The following OTUD7A variants were observed in gnomAD, a reference collection of about 807,000 sequenced individuals.
OTUD7A encodes the protein OTU deubiquitinase 7A.
A neutral mutation model predicts 65.7 loss-of-function variants in OTUD7A; 12 were observed. The ratio of observed to expected loss-of-function variants is 0.18; its 90% CI spans 0.12 to 0.30. The LOEUF is 0.30. OTUD7A is among the 10% of genes least tolerant of loss of function. OTUD7A has a pLI of 1.00. For missense variants in OTUD7A, 1,148 were observed against 1,304.8 expected (o/e 0.88, Z 1.85); for synonymous variants, 641 against 586.3 (o/e 1.09, Z -1.35).
chr15:31,548,801 G>C (rs909253612), intron 5 of OTUD7A, among the ~76,000 whole-genome samples: 1 of 152,078 alleles, frequency 6.6e-6, no homozygotes, highest in Non-Finnish European at 1.5e-5. Context: ...GATATCTTTG[G>C]AGGGCTCAGA....
chr15:31,624,861 G>A (rs1173136838), intron 3 of OTUD7A, among the ~76,000 whole-genome samples: 1 of 152,178 alleles, frequency 6.6e-6, no homozygotes, highest in Non-Finnish European at 1.5e-5. Flanking sequence ...CCTCCCTGAG[G>A]TGGCTGCTTC....
chr15:31,755,408 T>C (rs1278520906), intron 1 of OTUD7A, among the ~76,000 whole-genome samples: 2 of 152,082 alleles, frequency 1.3e-5, no homozygotes, highest in African/African-American at 4.8e-5. Context: ...AAACCTAAAC[T>C]GTGCAGTCCT....
At chr15:31,863,713 G>A (rs1201801764) in intron 1 of OTUD7A, among the ~76,000 whole-genome samples, 1 of 152,200 alleles carries the variant, frequency 6.6e-6, no homozygotes, top group South Asian at 2.1e-4. Flanking sequence ...CAGAGGGGCT[G>A]CCATGAAGGT....
chr15:31,621,436 T>C (rs954585231), intron 3 of OTUD7A, among the ~76,000 whole-genome samples: 1 of 152,182 alleles, frequency 6.6e-6, no homozygotes, highest in African/African-American at 2.4e-5. Context: ...ACTTGCTTTA[T>C]GAATCTGGGT....
At chr15:31,654,092 C>G (rs1595687576) in intron 3 of OTUD7A, among the ~76,000 whole-genome samples, 1 of 90,542 alleles carries the variant, frequency 1.1e-5, no homozygotes, top group East Asian at 2.8e-4. Context: ...GACCTTATTC[C>G]AAGCCTGCTT....
At chr15:31,515,818 TATCC>T (rs530450665) in intron 8 of OTUD7A, among the ~76,000 whole-genome samples, 9 of 144,782 alleles carry the variant, frequency 6.2e-5, no homozygotes, top group African/African-American at 1.8e-4. Context: ...CATGTCCATC[TATCC>T]ATCCATCCAT....
At chr15:31,869,832 T>A (rs781153984) in intron 1 of OTUD7A, among the ~76,000 whole-genome samples, 1 of 152,212 alleles carries the variant, frequency 6.6e-6, no homozygotes, top group Non-Finnish European at 1.5e-5. Flanking sequence ...ATGACATCAC[T>A]GACATCTCCC....
chr15:31,644,867 G>A (rs1325161738), intron 3 of OTUD7A, among the ~76,000 whole-genome samples: 1 of 152,180 alleles, frequency 6.6e-6, no homozygotes, highest in East Asian at 1.9e-4. Context: ...GTCCAGCCTG[G>A]CTGGTGAGCA....
chr15:31,610,617 A>ATATTTTTTTTTTTTTTT, intron 3 of OTUD7A, among the ~76,000 whole-genome samples: 3 of 30,564 alleles, frequency 9.8e-5, no homozygotes, highest in Non-Finnish European at 1.5e-4. Context: ...ATATATATAT[A>ATATTTTTTTTTTTTTTT]TTTTTTTTTT....
At position 31,551,670 on chromosome 15, in the gene OTUD7A, G is replaced by A. The variant is rs542182940; in HGVS notation, c.550+7299C>T. Reference sequence around the variant, plus strand: ...ACATTTTGATGAAAGAAAACAAAACGTGACAATTCTCTATCAGAAAGATGA... The same window carrying A: ...ACATTTTGATGAAAGAAAACAAAACATGACAATTCTCTATCAGAAAGATGA... On this transcript the variant is annotated intron_variant, in intron 5 of 12. Transcript: ENST00000307050. Among the ~76,000 whole-genome samples, 10 of 152,274 alleles carry A rather than the reference G, an allele frequency of 6.6e-5. No homozygotes were observed. In the South Asian group the frequency reaches 1.0e-3, roughly 16 times the overall value.
At chr15:31,746,850 A>C (rs1290346456) in intron 1 of OTUD7A, among the ~76,000 whole-genome samples, 1 of 152,202 alleles carries the variant, frequency 6.6e-6, no homozygotes, top group East Asian at 1.9e-4. Flanking sequence ...TTTTTAGAAA[A>C]CTTGTTGCTT....
Position 31,483,788 on chromosome 15 carries a change from G to C in OTUD7A, c.2308C>G (p.Pro770Ala). ...SASGPVPGRS[P>A]PAPARQSVIH... Reference sequence around the variant, plus strand: ...ACGCTCTGGCGCGCTGGCGCCGGGGGGCTGCGGCCAGGCACTGGTCCGCTG... The same window carrying C: ...ACGCTCTGGCGCGCTGGCGCCGGGGCGCTGCGGCCAGGCACTGGTCCGCTG... The change falls in exon 13 of 13, where the codon CCC becomes GCC. Residue 770 changes from proline to alanine, a missense_variant. Pro to Ala is a conservative substitution (Grantham distance 27, BLOSUM62 -1). Coordinates refer to ENST00000307050, the MANE Select transcript of OTUD7A (RefSeq NM_001382637.1). The C allele has an allele frequency of 9.6e-7, 1 of 1,043,874 alleles. No homozygotes were observed. Among genetic ancestry groups the C allele is most frequent in the Non-Finnish European group, 1.1e-6 (1 of 869,894 alleles). 64.7% of individuals were successfully genotyped at this position (1,043,874 alleles called of 1,614,324 possible).
intron 1 of OTUD7A, among the ~76,000 whole-genome samples, chr15:31,670,757 C>T (rs565616877): frequency 2.1e-4 from 32 of 151,780 alleles, no homozygotes; most frequent in Middle Eastern, 3.4e-3. Context: ...TTTGGGAGGC[C>T]GAAGCGGGCG....
intron 1 of OTUD7A, among the ~76,000 whole-genome samples, chr15:31,676,504 T>C (rs1892597736): frequency 1.3e-5 from 2 of 152,338 alleles, no homozygotes; most frequent in South Asian, 2.1e-4. Flanking sequence ...TTTTGGCAAA[T>C]GTTTTGCTTT....
intron 1 of OTUD7A, among the ~76,000 whole-genome samples, chr15:31,864,285 G>A (rs1017612577): frequency 2.6e-5 from 4 of 152,034 alleles, no homozygotes; most frequent in Non-Finnish European, 5.9e-5. Context: ...CCACATTTTC[G>A]AGTATCTTTT....
At chr15:31,853,992 A>AT (rs1281586411) in intron 1 of OTUD7A, among the ~76,000 whole-genome samples, 2 of 152,268 alleles carry the variant, frequency 1.3e-5, no homozygotes, top group East Asian at 1.9e-4. Flanking sequence ...AATATTTCCC[A>AT]TTTTTTCTAT....
intron 3 of OTUD7A, among the ~76,000 whole-genome samples, chr15:31,572,450 T>A (rs1223998701): frequency 6.6e-6 from 1 of 152,244 alleles, no homozygotes; most frequent in Non-Finnish European, 1.5e-5. Context: ...GTTATTGGAT[T>A]ACTAGTAGAC....
chr15:31,860,546 C>T (rs1042081900), intron 1 of OTUD7A, among the ~76,000 whole-genome samples: 2 of 149,236 alleles, frequency 1.3e-5, no homozygotes, highest in Admixed American at 6.7e-5. Flanking sequence ...AAGGGAGGAA[C>T]GATGTCCACA....
intron 5 of OTUD7A, among the ~76,000 whole-genome samples, chr15:31,553,829 C>G (rs957327443): frequency 6.6e-6 from 1 of 152,076 alleles, no homozygotes; most frequent in Non-Finnish European, 1.5e-5. Context: ...AACTGCCTCT[C>G]CCTGCTCTTC....
Sources: allele counts gnomAD v4.1 joint callset (sites outside exome capture counted in the v4.1 genomes callset), GRCh38; gene constraint gnomAD v4.1.1; transcripts MANE v1.5; gene names NCBI Gene and HGNC (gene_info 2026-07-23, HGNC 2026-07-21).